CDH13: variants seen among roughly 807,000 people sequenced by gnomAD.
The protein encoded by CDH13 is cadherin 13.
Under a neutral mutation model 63.8 loss-of-function variants are expected in CDH13, and 24 were observed. The observed-to-expected ratio is 0.38, with a 90% CI of 0.27 to 0.53. The LOEUF (loss-of-function observed/expected upper bound fraction) is 0.53. CDH13 is among the 20% of genes least tolerant of loss of function. The pLI is 0.85. For synonymous variants in CDH13, 503 were observed against 355.3 expected, an observed-to-expected ratio of 1.42 and a Z score of -4.67; for missense variants, 1,049 against 903.1, an observed-to-expected ratio of 1.16 and a Z score of -2.07.
intron 4 of CDH13, among the ~76,000 whole-genome samples, chr16:83,141,368 A>C (rs1227704005): frequency 1.3e-5 from 2 of 152,198 alleles, no homozygotes; most frequent in Non-Finnish European, 2.9e-5. Context: ...CAGGGTTTTT[A>C]GGAGCCTCAG....
At chr16:82,890,561 A>C (rs1418891110) in intron 2 of CDH13, among the ~76,000 whole-genome samples, 1 of 152,038 alleles carries the variant, frequency 6.6e-6, no homozygotes, top group Non-Finnish European at 1.5e-5. Context: ...GCAGTCTTAG[A>C]GTGGAGTTTT....
At chr16:83,650,173 G>C (rs1912230440) in intron 8 of CDH13, among the ~76,000 whole-genome samples, 1 of 152,000 alleles carries the variant, frequency 6.6e-6, no homozygotes, top group Non-Finnish European at 1.5e-5. Context: ...GCACCCACAG[G>C]TATAAAATGT....
At chr16:83,427,672 T>C (rs2071953654) in intron 6 of CDH13, among the ~76,000 whole-genome samples, 1 of 152,030 alleles carries the variant, frequency 6.6e-6, no homozygotes, top group South Asian at 2.1e-4. Flanking sequence ...TATGGTGCCT[T>C]GTGCCTTCAG....
At chr16:83,210,328 G>C (rs1484801113) in intron 4 of CDH13, among the ~76,000 whole-genome samples, 2 of 151,988 alleles carry the variant, frequency 1.3e-5, no homozygotes, top group Admixed American at 1.3e-4. Flanking sequence ...ACCTCCCAAA[G>C]TGCTGGGATT....
At chr16:82,765,867 G>A (rs1256672200) in intron 1 of CDH13, among the ~76,000 whole-genome samples, 2 of 152,046 alleles carry the variant, frequency 1.3e-5, no homozygotes, top group African/African-American at 4.8e-5. Context: ...AATGACTTGA[G>A]AATTACATGG....
chr16:83,150,868 C>T (rs972608054), intron 4 of CDH13, among the ~76,000 whole-genome samples: 2 of 152,144 alleles, frequency 1.3e-5, no homozygotes, highest in Admixed American at 6.6e-5. Flanking sequence ...TAACCATTTC[C>T]ATTATAGCAT....
At chr16:83,069,294 C>A (rs1237036174) in intron 3 of CDH13, among the ~76,000 whole-genome samples, 2 of 152,148 alleles carry the variant, frequency 1.3e-5, no homozygotes, top group Non-Finnish European at 2.9e-5. Context: ...TTTAGTGGAA[C>A]TGTGGCACTC....
chr16:83,312,482 T>C (rs2090022283), intron 5 of CDH13, among the ~76,000 whole-genome samples: 1 of 152,170 alleles, frequency 6.6e-6, no homozygotes, highest in African/African-American at 2.4e-5. Context: ...TCCAACCACC[T>C]TCAATTCATG....
chr16:82,996,913 T>G (rs1347110786), intron 2 of CDH13, among the ~76,000 whole-genome samples: 2 of 151,864 alleles, frequency 1.3e-5, no homozygotes, highest in Non-Finnish European at 2.9e-5. Flanking sequence ...ATGGTGATGT[T>G]GATTATTATG....
chr16:83,338,622 C>G (rs2090653378), intron 5 of CDH13, among the ~76,000 whole-genome samples: 1 of 152,182 alleles, frequency 6.6e-6, no homozygotes, highest in African/African-American at 2.4e-5. Context: ...CCAGGGACAC[C>G]CTAGCTGTTC....
intron 5 of CDH13, among the ~76,000 whole-genome samples, chr16:83,331,929 TACAC>T (rs952034849): frequency 4.6e-5 from 7 of 152,134 alleles, no homozygotes; most frequent in Non-Finnish European, 8.8e-5. Flanking sequence ...GCTACACACA[TACAC>T]ACACAACCAC....
At chr16:83,000,099 G>C (rs1912701542) in intron 2 of CDH13, among the ~76,000 whole-genome samples, 1 of 152,020 alleles carries the variant, frequency 6.6e-6, no homozygotes, top group South Asian at 2.1e-4. Context: ...GTCTATACAG[G>C]GTGGAGGATG....
intron 6 of CDH13, among the ~76,000 whole-genome samples, chr16:83,399,600 A>C (rs891969834): frequency 3.9e-5 from 6 of 151,958 alleles, no homozygotes; most frequent in Non-Finnish European, 7.4e-5. Context: ...TCAAGGACTC[A>C]CTCGTAACCA....
At chr16:83,387,703 C>G (rs544574304) in intron 6 of CDH13, among the ~76,000 whole-genome samples, 1 of 152,314 alleles carries the variant, frequency 6.6e-6, no homozygotes, top group African/African-American at 2.4e-5. Context: ...TTGAGAATGT[C>G]TGCCTTATGA....
chr16:83,353,478 G>A (rs888140144), intron 6 of CDH13, among the ~76,000 whole-genome samples: 1 of 152,236 alleles, frequency 6.6e-6, no homozygotes, highest in African/African-American at 2.4e-5. Context: ...AGCATCTGCT[G>A]GGACAGGAGA....
At chr16:82,947,052 T>G (rs1319216024) in intron 2 of CDH13, among the ~76,000 whole-genome samples, 1 of 117,260 alleles carries the variant, frequency 8.5e-6, no homozygotes. Flanking sequence ...GTGTGTGATG[T>G]TGTAAGAAAG....
rs1213260128 is a variant in CDH13, at chr16:82,678,285, G to A, written c.45+51148G>A. ...ATAAATATTGCTTTTCTTAACGTTGGTTTAAAATGCAAATGCATGGCATAC... is the reference window on the plus strand; with the variant it reads ...ATAAATATTGCTTTTCTTAACGTTGATTTAAAATGCAAATGCATGGCATAC... On this transcript the variant is annotated intron_variant, in intron 1 of 13. Transcript: ENST00000567109. Among the ~76,000 whole-genome samples the A allele has an allele frequency of 7.4e-5, 11 of 147,706 alleles. No homozygotes were observed. The Admixed American group carries it at 7.5e-4, about 10-fold the overall frequency.
At chr16:83,466,870 A>G (rs2073329810) in intron 6 of CDH13, among the ~76,000 whole-genome samples, 1 of 152,160 alleles carries the variant, frequency 6.6e-6, no homozygotes, top group Non-Finnish European at 1.5e-5. Flanking sequence ...TTAAATCTAA[A>G]AAGAAGATTA....
At chr16:83,264,051 T>G (rs1907302850) in intron 5 of CDH13, among the ~76,000 whole-genome samples, 1 of 152,228 alleles carries the variant, frequency 6.6e-6, no homozygotes, top group Non-Finnish European at 1.5e-5. Flanking sequence ...ATTTCCATTT[T>G]TTATTAGCAT....
Sources: allele counts gnomAD v4.1 joint callset (sites outside exome capture counted in the v4.1 genomes callset), GRCh38; gene constraint gnomAD v4.1.1; transcripts MANE v1.5; gene names NCBI Gene and HGNC (gene_info 2026-07-23, HGNC 2026-07-21).